Variants in PTPRN2 observed in about 807,000 individuals in gnomAD.
PTPRN2 encodes the protein protein tyrosine phosphatase receptor type N2.
In PTPRN2, 74 loss-of-function variants were observed where a neutral mutation model predicts 118.8. That is an observed-to-expected ratio of 0.62 (90% CI 0.52 to 0.76). PTPRN2 has a LOEUF of 0.76. Ranked by LOEUF, PTPRN2 falls within the 30% of genes least tolerant of loss-of-function variation. The pLI, the probability that PTPRN2 is intolerant of heterozygous loss-of-function variation, is 0.00. For synonymous variants in PTPRN2, 641 were observed against 608.0 expected (o/e 1.05, Z -0.80); for missense variants, 1,481 against 1,394.4 (o/e 1.06, Z -0.99).
intron 4 of PTPRN2, among the ~76,000 whole-genome samples, chr7:158,198,130 A>G (rs988929493): frequency 1.3e-5 from 2 of 152,122 alleles, no homozygotes; most frequent in African/African-American, 4.8e-5. Flanking sequence ...TTTCTCACTA[A>G]TTGCTAATCA....
At chr7:158,268,780 C>T (rs978050788) in intron 3 of PTPRN2, among the ~76,000 whole-genome samples, 3 of 121,544 alleles carry the variant, frequency 2.5e-5, no homozygotes, top group Non-Finnish European at 5.2e-5. Context: ...ATATCCCAGC[C>T]GCACACACAC....
In PTPRN2 at chr7:158,153,712, G is replaced by A. The variant is rs145960570; in HGVS notation, c.910+13219C>T. Among the ~76,000 whole-genome samples the A allele has an allele frequency of 7.2e-4, 109 of 152,358 alleles. 2 individuals are homozygous for A. The highest frequency in any genetic ancestry group is 1.2e-3 in the Non-Finnish European group (82 of 68,038). On this transcript the variant is annotated intron_variant, in intron 6 of 22. Transcript: ENST00000389418. ...AGCTTTGATTTTTACTGAGTGTGATGAGAAGCCCGTGGTGTGCTCTGAGCA... is the reference window on the plus strand; with the variant it reads ...AGCTTTGATTTTTACTGAGTGTGATAAGAAGCCCGTGGTGTGCTCTGAGCA...
intron 12 of PTPRN2, among the ~76,000 whole-genome samples, chr7:157,805,900 G>A (rs113249356): frequency 4.1e-4 from 62 of 152,290 alleles, no homozygotes; most frequent in African/African-American, 1.3e-3. Flanking sequence ...CCTGTTCTGC[G>A]TTAGCGATGG....
At chr7:157,803,894 AAAATATG>A (rs1234227968) in intron 12 of PTPRN2, among the ~76,000 whole-genome samples, 56 of 152,318 alleles carry the variant, frequency 3.7e-4, no homozygotes, top group Admixed American at 1.6e-3. Flanking sequence ...TCATGATGGC[AAAATATG>A]TCAACTTTTC....
chr7:157,730,103 T>C (rs1376173485), intron 12 of PTPRN2, among the ~76,000 whole-genome samples: 1 of 152,124 alleles, frequency 6.6e-6, no homozygotes, highest in African/African-American at 2.4e-5. Flanking sequence ...CATAAAATTT[T>C]AACCAAGTAG....
Position 157,909,389 on chromosome 7 carries a change from G to T in PTPRN2, c.1724-10652C>A, listed in dbSNP as rs77414591. On this transcript the variant is annotated intron_variant, in intron 11 of 22. Transcript: ENST00000389418. ...GACAGGGGCTGACTCTATACACTGG[G>T]GGGGGGAGGATGCTGGCCACTCAAC... Among the ~76,000 whole-genome samples the T allele has an allele frequency of 3.0e-4, 45 of 152,268 alleles. 1 individual carries two copies. Among genetic ancestry groups the T allele is most frequent in the South Asian group, 1.5e-3 (7 of 4,824 alleles).
chr7:158,088,759 C>T lies in PTPRN2; in HGVS notation c.1644-7382G>A, dbSNP rs1478485838. Among the ~76,000 whole-genome samples, 4 of 14,024 alleles carry T rather than the reference C, an allele frequency of 2.9e-4. 1 individual carries two copies. The highest frequency in any genetic ancestry group is 2.4e-3 in the Admixed American group (4 of 1,656). The allele number at this position is 14,024 out of a possible 152,430, so 9.2% of individuals were successfully genotyped here. A position where few individuals can be genotyped will look rare whatever the true frequency, so the allele number is the denominator to read the frequency against. Reference sequence around the variant, plus strand: ...TGAAAGAGGGAGTCTTCACACAAACCTTCTTCCCCTGATGAAGGAGGGAGT... The same window carrying T: ...TGAAAGAGGGAGTCTTCACACAAACTTTCTTCCCCTGATGAAGGAGGGAGT... On this transcript the variant is annotated intron_variant, in intron 10 of 22. Transcript: ENST00000389418.
intron 11 of PTPRN2, among the ~76,000 whole-genome samples, chr7:158,042,431 ACT>A (rs934111955): frequency 1.3e-5 from 2 of 152,136 alleles, no homozygotes; most frequent in Non-Finnish European, 2.9e-5. Flanking sequence ...GATCCACGTC[ACT>A]CTCTGCAGCA....
At chr7:158,106,329 C>A (rs1394182350) in intron 10 of PTPRN2, among the ~76,000 whole-genome samples, 1 of 152,108 alleles carries the variant, frequency 6.6e-6, no homozygotes, top group African/African-American at 2.4e-5. Flanking sequence ...CCTTTCTGAG[C>A]TTCATCTCAG....
chr7:157,918,639 A>T (rs1798543163), intron 11 of PTPRN2, among the ~76,000 whole-genome samples: 1 of 152,242 alleles, frequency 6.6e-6, no homozygotes, highest in Non-Finnish European at 1.5e-5. Flanking sequence ...GAAGGAGAGA[A>T]GGCGTCATGG....
intron 12 of PTPRN2, among the ~76,000 whole-genome samples, chr7:157,788,628 A>T (rs1804233255): frequency 1.3e-5 from 2 of 152,228 alleles, no homozygotes; most frequent in African/African-American, 4.8e-5. Flanking sequence ...AGCCACATGG[A>T]GCCCAGCTCC....
chr7:157,657,683 C>T (rs1795634796), intron 13 of PTPRN2, among the ~76,000 whole-genome samples: 1 of 140,978 alleles, frequency 7.1e-6, no homozygotes, highest in Non-Finnish European at 1.5e-5. Flanking sequence ...ACACACCACA[C>T]ACATCACACA....
chr7:157,545,062 A>G lies in PTPRN2; in HGVS notation c.2976+3884T>C, dbSNP rs111204818. Among the ~76,000 whole-genome samples the G allele has an allele frequency of 3.0e-3, 372 of 122,750 alleles. 1 individual carries two copies. The highest frequency in any genetic ancestry group is 0.011 in the African/African-American group (354 of 31,006). The allele number at this position is 122,750 out of a possible 152,430, so 80.5% of individuals were successfully genotyped here. On this transcript the variant is annotated intron_variant, in intron 22 of 22. Coordinates refer to ENST00000389418, the MANE Select transcript of PTPRN2 (RefSeq NM_002847.5). ...CCTGTGGAGGTGTGTGGGTGTGTGC[A>G]GTGTGCATGGGTGTGTGTGTGGGTG...
At chr7:158,433,070 C>CT (rs2129430217) in intron 2 of PTPRN2, among the ~76,000 whole-genome samples, 1 of 152,372 alleles carries the variant, frequency 6.6e-6, no homozygotes, top group Admixed American at 6.5e-5. Context: ...AATCCGGCTT[C>CT]TTTGCGCAAT....
At chr7:157,544,932 G>C (rs558819643) in intron 22 of PTPRN2, among the ~76,000 whole-genome samples, 37 of 145,314 alleles carry the variant, frequency 2.5e-4, no homozygotes, top group African/African-American at 6.9e-4. Flanking sequence ...GTGTGCATGG[G>C]TGTGTACAGG....
chr7:157,855,303 C>T (rs2151215882), intron 12 of PTPRN2, among the ~76,000 whole-genome samples: 1 of 152,298 alleles, frequency 6.6e-6, no homozygotes, highest in East Asian at 1.9e-4. Context: ...CACGCGCCGG[C>T]TTCTCGAGCT....
Position 158,248,658 on chromosome 7 carries a change from CCA to C in PTPRN2, c.278-43387_278-43386del, listed in dbSNP as rs1457602999. Reference sequence around the variant, plus strand: ...CACCACACATATGCACACATCACACCCACACAGCACATATGTGCATATATACA... The same window carrying C: ...CACCACACATATGCACACATCACACCCACAGCACATATGTGCATATATACA... On this transcript the variant is annotated intron_variant, in intron 3 of 22. Transcript: ENST00000389418. 5.5e-5 allele frequency among the ~76,000 whole-genome samples: 7 copies of C among 127,694 alleles called. No individual in the cohort carries two copies. In the East Asian group the frequency reaches 9.6e-4, roughly 18 times the overall value. 83.8% of individuals were successfully genotyped at this position (127,694 alleles called of 152,430 possible). A position where few individuals can be genotyped will look rare whatever the true frequency, so the allele number is the denominator to read the frequency against.
At chr7:158,221,918 C>A (rs1284419989) in intron 3 of PTPRN2, among the ~76,000 whole-genome samples, 1 of 152,100 alleles carries the variant, frequency 6.6e-6, no homozygotes, top group Non-Finnish European at 1.5e-5. Flanking sequence ...GGGTAGGAGA[C>A]ATGAACAGAC....
At chr7:158,333,863 T>G (rs1455773447) in intron 2 of PTPRN2, among the ~76,000 whole-genome samples, 1 of 141,202 alleles carries the variant, frequency 7.1e-6, no homozygotes, top group Non-Finnish European at 1.5e-5. Flanking sequence ...CCCGCAGACG[T>G]CACTCACACC....
Sources: gnomAD v4.1 joint callset for allele counts (sites outside exome capture counted in the v4.1 genomes callset) on GRCh38, gnomAD v4.1.1 for gene constraint, MANE v1.5 for transcripts, NCBI Gene and HGNC (gene_info 2026-07-23, HGNC 2026-07-21) for gene names.